NIM1K: variants seen among roughly 807,000 people sequenced by gnomAD.
The protein encoded by NIM1K is NIM1 serine/threonine protein kinase.
A neutral mutation model predicts 37.1 loss-of-function variants in NIM1K; 35 were observed. That is an observed-to-expected ratio of 0.94 (90% CI 0.72 to 1.25). NIM1K has a LOEUF of 1.25. Ranked by LOEUF, NIM1K falls within the 50% of genes most tolerant of loss-of-function variation. The pLI, the probability that NIM1K is intolerant of heterozygous loss-of-function variation, is 0.00. For synonymous variants in NIM1K, 234 were observed against 206.6 expected, an observed-to-expected ratio of 1.13 and a Z score of -1.14; for missense variants, 564 against 548.0, an observed-to-expected ratio of 1.03 and a Z score of -0.29.
chr5:43,232,794 A>T, intron 1 of NIM1K: 1 of 1,077,436 alleles, frequency 9.3e-7, no homozygotes, highest in Non-Finnish European at 1.4e-6. Context: ...TGCACTGTTC[A>T]GCCAGTTTAC....
At chr5:43,273,583 T>C (rs1222811477) in intron 2 of NIM1K, among the ~76,000 whole-genome samples, 1 of 152,208 alleles carries the variant, frequency 6.6e-6, no homozygotes, top group African/African-American at 2.4e-5. Context: ...CTCATTGCCC[T>C]ATAGTTAAAG....
intron 3 of NIM1K, 108 bp from the exon 4 acceptor site, chr5:43,279,872 G>C: frequency 1.1e-6 from 1 of 917,174 alleles, no homozygotes; most frequent in Non-Finnish European, 1.7e-6. Flanking sequence ...GATCCTCACT[G>C]AATTTGTTAT....
chr5:43,203,846 T>G (rs1356353901), intron 1 of NIM1K, among the ~76,000 whole-genome samples: 1 of 151,530 alleles, frequency 6.6e-6, no homozygotes, highest in Non-Finnish European at 1.5e-5. Flanking sequence ...GCCAACATGG[T>G]GAAACCCCGT....
chr5:43,219,692 G>A (rs1462130789), intron 1 of NIM1K, among the ~76,000 whole-genome samples: 2 of 152,052 alleles, frequency 1.3e-5, no homozygotes, highest in South Asian at 2.1e-4. Flanking sequence ...AACGTTTCCT[G>A]TTCTGTGAAT....
chr5:43,200,035 A>G lies in NIM1K; in HGVS notation c.-695+7624A>G, dbSNP rs144471532. Reference sequence around the variant, plus strand: ...GGATTACAGGCATGTGCCATCACGCATGCTCAGCTAATTTTGTATTCTTAG... The same window carrying G: ...GGATTACAGGCATGTGCCATCACGCGTGCTCAGCTAATTTTGTATTCTTAG... On this transcript the variant is annotated intron_variant, in intron 1 of 3. Transcript: ENST00000326035. 1.9e-3 allele frequency among the ~76,000 whole-genome samples: 283 copies of G among 151,848 alleles called. 2 individuals are homozygous for G. The highest frequency in any genetic ancestry group is 6.6e-3 in the African/African-American group (272 of 41,404).
At chr5:43,232,705 T>G in intron 1 of NIM1K, 1 of 1,439,784 alleles carries the variant, frequency 6.9e-7, no homozygotes, top group South Asian at 1.3e-5. Flanking sequence ...AACCGGGAGT[T>G]GTTCCATGAG....
chr5:43,198,307 C>A (rs752195126), intron 1 of NIM1K, among the ~76,000 whole-genome samples: 3 of 145,922 alleles, frequency 2.1e-5, no homozygotes, highest in Non-Finnish European at 4.5e-5. Context: ...TTCCTTACTT[C>A]CTTCCTCCCT....
intron 1 of NIM1K, among the ~76,000 whole-genome samples, chr5:43,239,033 C>A (rs1752660046): frequency 6.6e-6 from 1 of 151,624 alleles, no homozygotes; most frequent in South Asian, 2.1e-4. Flanking sequence ...ATTCCTCTAA[C>A]CTTTGAGGTA....
intron 1 of NIM1K, chr5:43,231,739 A>C (rs887439518): frequency 1.1e-6 from 1 of 923,046 alleles, no homozygotes; most frequent in African/African-American, 1.7e-5. Flanking sequence ...TTAACTGATC[A>C]GACCACAACT....
chr5:43,256,210 C>T (rs181157322), intron 2 of NIM1K, among the ~76,000 whole-genome samples: 60 of 151,940 alleles, frequency 3.9e-4, no homozygotes, highest in African/African-American at 1.3e-3. Flanking sequence ...TGAAAATAGA[C>T]GCAGAAGGCA....
Position 43,194,117 on chromosome 5 carries a change from G to T in NIM1K, c.-695+1706G>T, listed in dbSNP as rs113347263. Among the ~76,000 whole-genome samples, 717 of 152,232 alleles carry T rather than the reference G, an allele frequency of 4.7e-3. 4 individuals are homozygous for T. The highest frequency in any genetic ancestry group is 0.017 in the African/African-American group (697 of 41,538). ...CATGCTGCCCAGCTCTCTTCCCACA[G>T]CTCACTGCACGAACAGAGGACAGAG... On this transcript the variant is annotated intron_variant, in intron 1 of 3. Transcript: ENST00000326035.
At chr5:43,210,911 C>A (rs992105626) in intron 1 of NIM1K, among the ~76,000 whole-genome samples, 1 of 152,240 alleles carries the variant, frequency 6.6e-6, no homozygotes, top group Admixed American at 6.5e-5. Context: ...TAGCTCACGC[C>A]TGTAATCCCA....
At chr5:43,270,266 G>A (rs761744905) in intron 2 of NIM1K, among the ~76,000 whole-genome samples, 19 of 152,166 alleles carry the variant, frequency 1.2e-4, no homozygotes, top group Admixed American at 8.5e-4. Context: ...CAATCCAGTG[G>A]GAAGAGAAAA....
chr5:43,219,613 T>C (rs916266986), intron 1 of NIM1K, among the ~76,000 whole-genome samples: 13 of 152,172 alleles, frequency 8.5e-5, no homozygotes, highest in African/African-American at 3.1e-4. Context: ...TTAAAACAAT[T>C]ATTGAGTTGT....
rs541108517 is a variant in NIM1K at position 43,258,934 on chromosome 5, C to G, written c.292+12867C>G. Among the ~76,000 whole-genome samples, 85 of 151,692 alleles carry G rather than the reference C, an allele frequency of 5.6e-4. 1 individual carries two copies. The Middle Eastern group carries it at 0.014, about 24-fold the overall frequency. On this transcript the variant is annotated intron_variant, in intron 2 of 3. Coordinates refer to ENST00000326035, the MANE Select transcript of NIM1K (RefSeq NM_153361.4). ...AATCCCTCACCCCCTCCCACCCTAC[C>G]CCTTCTAAGTCTCCAAAGCCCATGC...
At chr5:43,234,242 T>TTTCA (rs56064948) in intron 1 of NIM1K, among the ~76,000 whole-genome samples, 56,062 of 151,102 alleles carry the variant, frequency 0.37, 11,043 homozygotes, top group East Asian at 0.62. Flanking sequence ...CGTGTCATTC[T>TTTCA]TTCATTCATT....
intron 2 of NIM1K, among the ~76,000 whole-genome samples, chr5:43,275,315 ACT>A (rs368411928): frequency 3.3e-5 from 5 of 152,152 alleles, no homozygotes; most frequent in African/African-American, 1.2e-4. Context: ...GACCTACCAC[ACT>A]CTATTTTAAC....
intron 1 of NIM1K, among the ~76,000 whole-genome samples, chr5:43,235,282 T>C (rs1450337373): frequency 6.6e-6 from 1 of 152,242 alleles, no homozygotes; most frequent in African/African-American, 2.4e-5. Context: ...AACTATTTTG[T>C]TATTTATTAT....
At chr5:43,198,898 T>C (rs531629278) in intron 1 of NIM1K, among the ~76,000 whole-genome samples, 1 of 151,956 alleles carries the variant, frequency 6.6e-6, no homozygotes, top group South Asian at 2.1e-4. Context: ...TTTAAAAATA[T>C]GTATAAAGGG....
Sources: gnomAD v4.1 joint callset for allele counts (sites outside exome capture counted in the v4.1 genomes callset) on GRCh38, gnomAD v4.1.1 for gene constraint, MANE v1.5 for transcripts, NCBI Gene and HGNC (gene_info 2026-07-23, HGNC 2026-07-21) for gene names.